Variants in USP18 observed in about 807,000 individuals in gnomAD.
USP18 encodes ubl carboxyl-terminal hydrolase 18.
Under a neutral mutation model 48.7 loss-of-function variants are expected in USP18, and 11 were observed. The ratio of observed to expected loss-of-function variants is 0.23; its 90% CI spans 0.14 to 0.37. USP18 has a LOEUF of 0.37. USP18 is among the 10% of genes least tolerant of loss of function. The pLI is 1.00. For synonymous variants in USP18, 114 were observed against 163.2 expected (o/e 0.70, Z 2.30); for missense variants, 285 against 436.4 (o/e 0.65, Z 3.09).
chr22:18,154,067 T>C (rs543335582), intron 1 of USP18, among the ~76,000 whole-genome samples: 1 of 150,942 alleles, frequency 6.6e-6, no homozygotes, highest in East Asian at 1.9e-4. Flanking sequence ...TCCCTTTCCT[T>C]TGGATATATA....
At chr22:18,168,509 C>T (rs1296191737) in intron 6 of USP18, among the ~76,000 whole-genome samples, 1 of 152,046 alleles carries the variant, frequency 6.6e-6, no homozygotes, top group African/African-American at 2.4e-5. Flanking sequence ...GATTCTCCTG[C>T]CTCAGCCTCC....
chr22:18,150,380 A>T (rs546693405), intron 1 of USP18, among the ~76,000 whole-genome samples, 158 bp downstream of exon 1: 3 of 152,312 alleles, frequency 2.0e-5, no homozygotes, highest in Admixed American at 2.0e-4. Flanking sequence ...GGGCCAGTGA[A>T]TTTTTTTCTA....
intron 9 of USP18, among the ~76,000 whole-genome samples, chr22:18,173,535 T>C (rs576708146): frequency 3.7e-4 from 56 of 152,306 alleles, no homozygotes; most frequent in African/African-American, 1.3e-3. Context: ...TCCTGCTTTG[T>C]GGGAAATGTC....
chr22:18,169,377 C>A (rs1929565482), intron 6 of USP18, among the ~76,000 whole-genome samples: 1 of 152,178 alleles, frequency 6.6e-6, no homozygotes, highest in South Asian at 2.1e-4. Flanking sequence ...GAGTTTGAGA[C>A]CAGCCTGGCC....
At chr22:18,153,805 A>G (rs910069092) in intron 1 of USP18, among the ~76,000 whole-genome samples, 2 of 152,012 alleles carry the variant, frequency 1.3e-5, no homozygotes, top group Non-Finnish European at 2.9e-5. Flanking sequence ...GAGTGTGAAC[A>G]TGTGGTATTT....
chr22:18,171,764 G>C (rs564993481), intron 8 of USP18, among the ~76,000 whole-genome samples: 15 of 151,952 alleles, frequency 9.9e-5, no homozygotes, highest in Middle Eastern at 3.4e-3. Flanking sequence ...CTGTTTTATT[G>C]GTCTGTTTGG....
At chr22:18,157,091 G>A (rs1929177985) in intron 1 of USP18, among the ~76,000 whole-genome samples, 1 of 152,246 alleles carries the variant, frequency 6.6e-6, no homozygotes, top group Non-Finnish European at 1.5e-5. Context: ...CCTGCCTGCA[G>A]CTAAGGTTTA....
At chr22:18,168,905 T>C (rs1353013237) in intron 6 of USP18, among the ~76,000 whole-genome samples, 1 of 152,170 alleles carries the variant, frequency 6.6e-6, no homozygotes, top group Non-Finnish European at 1.5e-5. Flanking sequence ...AAAATGTTTT[T>C]CCCTCCTACC....
rs768320601 is a variant in USP18, at chr22:18,173,316, G to C, written c.1023+35G>C. Reference sequence around the variant, plus strand: ...ATCATCCACAATTGCCTCCTGCCCTGGATTGGCCACCTCTAGCAAATGCTG... The same window carrying C: ...ATCATCCACAATTGCCTCCTGCCCTCGATTGGCCACCTCTAGCAAATGCTG... On this transcript the variant is annotated intron_variant, in intron 9 of 10. Transcript: ENST00000215794. 3.8e-6 allele frequency: 6 copies of C among 1,574,348 alleles called. No individual in the cohort carries two copies. In the African/African-American group the frequency reaches 8.1e-5, roughly 21 times the overall value.
chr22:18,175,983 G>A (rs62229517), intron 10 of USP18, among the ~76,000 whole-genome samples: 334 of 132,542 alleles, frequency 2.5e-3, no homozygotes, highest in African/African-American at 4.3e-3. Context: ...GAACGGTCTC[G>A]TCAAAAAATA....
Position 18,169,181 on chromosome 22 carries a change from C to G in USP18, c.628-663C>G, listed in dbSNP as rs555635663. Among the ~76,000 whole-genome samples the G allele has an allele frequency of 1.4e-4, 21 of 152,240 alleles. No individual in the cohort carries two copies. In the South Asian group the frequency reaches 2.7e-3, roughly 20 times the overall value. On this transcript the variant is annotated intron_variant, in intron 6 of 10. Coordinates refer to ENST00000215794, the MANE Select transcript of USP18 (RefSeq NM_017414.4). ...TTGGAGGTAAAGCCTGGTGGAAGGACATTGGATCATGGGGGAGGGTTTCTC... is the reference window on the plus strand; with the variant it reads ...TTGGAGGTAAAGCCTGGTGGAAGGAGATTGGATCATGGGGGAGGGTTTCTC...
chr22:18,170,553 G>A (rs1417949923), intron 7 of USP18, among the ~76,000 whole-genome samples, 200 bp from the exon 8 acceptor site: 1 of 150,770 alleles, frequency 6.6e-6, no homozygotes, highest in African/African-American at 2.5e-5. Context: ...TGCCTCTTGT[G>A]GGGGGCCACA....
intron 1 of USP18, among the ~76,000 whole-genome samples, chr22:18,154,621 T>TGG (rs754518068): frequency 0.25 from 38,326 of 151,908 alleles, 6,078 homozygotes; most frequent in East Asian, 0.67. Flanking sequence ...TAAATTTTTT[T>TGG]TTAGAGATGG....
chr22:18,155,437 C>G (rs956213980), intron 1 of USP18, among the ~76,000 whole-genome samples: 2 of 152,180 alleles, frequency 1.3e-5, no homozygotes, highest in African/African-American at 2.4e-5. Context: ...CTTGAGGAGC[C>G]CTTCAGCCCA....
In USP18 at chr22:18,169,972, C is replaced by T. The variant is rs1929584776; in HGVS notation, c.723+33C>T. The stretch of plus-strand genomic sequence containing the variant: ...TTCCCTAAATCAGACTCAGCTGTCC[C>T]TCGGTGCATATGGGGGATTTGTTCC... On this transcript the variant is annotated intron_variant, in intron 7 of 10. Transcript: ENST00000215794. 1.9e-6 allele frequency: 3 copies of T among 1,552,890 alleles called. No homozygotes were observed. The South Asian group carries it at 3.6e-5, about 18-fold the overall frequency.
intron 1 of USP18, among the ~76,000 whole-genome samples, chr22:18,150,867 G>T (rs1205590365): frequency 6.6e-6 from 1 of 152,216 alleles, no homozygotes; most frequent in Admixed American, 6.5e-5. Flanking sequence ...CAGGAGAATC[G>T]CTTGAACCCG....
chr22:18,172,320 A>T (rs1412526528), intron 8 of USP18, among the ~76,000 whole-genome samples: 2 of 152,194 alleles, frequency 1.3e-5, no homozygotes, highest in African/African-American at 4.8e-5. Context: ...TAAACACTTC[A>T]TTATGTATCC....
At chr22:18,172,748 G>A (rs1264568399) in intron 8 of USP18, among the ~76,000 whole-genome samples, 1 of 150,618 alleles carries the variant, frequency 6.6e-6, no homozygotes, top group South Asian at 2.1e-4. Context: ...TGCGTCTGCC[G>A]CCCTTGCCCT....
chr22:18,157,961 T>A, intron 2 of USP18, 141 bp downstream of exon 2: 1 of 1,243,982 alleles, frequency 8.0e-7, no homozygotes, highest in Non-Finnish European at 1.1e-6. Flanking sequence ...TAGATGGGGA[T>A]ACAGCCTGGG....
Sources: gnomAD v4.1 joint callset for allele counts (sites outside exome capture counted in the v4.1 genomes callset) on GRCh38, gnomAD v4.1.1 for gene constraint, MANE v1.5 for transcripts, NCBI Gene and HGNC (gene_info 2026-07-23, HGNC 2026-07-21) for gene names.